Variants in STAG2 observed in about 807,000 individuals in gnomAD.
The protein encoded by STAG2 is cohesin subunit SA-2.
In STAG2, 14 loss-of-function variants were observed where a neutral mutation model predicts 108.1. The observed-to-expected ratio is 0.13, with a 90% confidence interval of 0.09 to 0.20. The LOEUF (loss-of-function observed/expected upper bound fraction) is 0.20. Ranked by LOEUF, STAG2 falls within the 10% of genes least tolerant of loss-of-function variation. The pLI, the probability that STAG2 is intolerant of heterozygous loss-of-function variation, is 1.00. For missense variants in STAG2, 440 were observed against 940.9 expected (o/e 0.47, Z 6.96); for synonymous variants, 307 against 302.7 (o/e 1.01, Z -0.15).
At chrX:124,030,877 C>T (rs2057311502) in intron 4 of STAG2, 84 bp from the exon 5 acceptor site, 1 of 974,452 alleles carries the variant, frequency 1.0e-6, no homozygotes, top group Admixed American at 3.5e-5. Context: ...ATGTTATGTA[C>T]CCTATCAGCT....
intron 1 of STAG2, among the ~76,000 whole-genome samples, chrX:124,013,953 G>A (rs935235572): frequency 2.7e-5 from 3 of 111,322 alleles, no homozygotes; most frequent in East Asian, 2.8e-4. Context: ...TTCACAAGGC[G>A]TGCTAGGTTT....
chrX:124,092,810 A>AC (rs1463974380), intron 32 of STAG2, among the ~76,000 whole-genome samples: 3 of 112,280 alleles, frequency 2.7e-5, no homozygotes, highest in African/African-American at 9.7e-5. Flanking sequence ...ATTTTCTGTC[A>AC]CATAGTTCAT....
At chrX:123,997,884 G>A (rs112104109) in intron 1 of STAG2, among the ~76,000 whole-genome samples, 63 of 111,440 alleles carry the variant, frequency 5.7e-4, no homozygotes, top group African/African-American at 1.9e-3. Flanking sequence ...CAGGTGATCC[G>A]CCCACCTCGG....
At chrX:124,063,232 C>CT in intron 19 of STAG2, 27 bp downstream of exon 19, 1 of 1,074,991 alleles carries the variant, frequency 9.3e-7, no homozygotes, top group Non-Finnish European at 1.3e-6. Context: ...TAAAAAAAAC[C>CT]TTTAAGAAAA....
chrX:123,973,338 C>T (rs2054456922), intron 1 of STAG2, among the ~76,000 whole-genome samples: 2 of 106,912 alleles, frequency 1.9e-5, no homozygotes, highest in Admixed American at 1.0e-4. Flanking sequence ...GTCAGGAGAT[C>T]GAGACCATCC....
At chrX:124,062,119 G>A (rs2058398171) in intron 17 of STAG2, among the ~76,000 whole-genome samples, 1 of 111,229 alleles carries the variant, frequency 9.0e-6, no homozygotes, top group South Asian at 3.7e-4. Context: ...ACTGAATGTA[G>A]CATACACCAT....
At chrX:124,032,704 G>A (rs2057385496) in intron 5 of STAG2, among the ~76,000 whole-genome samples, 1 of 111,637 alleles carries the variant, frequency 9.0e-6, no homozygotes, top group Non-Finnish European at 1.9e-5. Flanking sequence ...TTCTGTTCCT[G>A]CGTTAATTCA....
At chrX:124,091,491 A>G (rs1475069905) in intron 32 of STAG2, among the ~76,000 whole-genome samples, 3 of 112,302 alleles carry the variant, frequency 2.7e-5, no homozygotes, top group African/African-American at 9.7e-5. Flanking sequence ...ATAAACTCCC[A>G]ACTTCCTTAG....
chrX:124,064,376 C>G lies in STAG2; in HGVS notation c.2025+325C>G, dbSNP rs5958382. On this transcript the variant is annotated intron_variant, in intron 20 of 34. Transcript: ENST00000371145. ...ACAGAAAAGGAGAGCTAGATTTAGA[C>G]TAGGTAGCCTAAAAAAAGTAGAGTA... Among the ~76,000 whole-genome samples, 665 of 110,142 alleles carry G rather than the reference C, an allele frequency of 6.0e-3. 5 individuals are homozygous for G. Among genetic ancestry groups the G allele is most frequent in the African/African-American group, 0.02 (617 of 30,299 alleles).
chrX:124,012,812 GT>G (rs759877508), intron 1 of STAG2, among the ~76,000 whole-genome samples: 1 of 111,612 alleles, frequency 9.0e-6, no homozygotes, highest in South Asian at 3.7e-4. Context: ...CTACTGAATT[GT>G]TTTTTGGCTA....
chrX:124,099,705 C>T (rs1037973197), intron 34 of STAG2, among the ~76,000 whole-genome samples: 1 of 111,662 alleles, frequency 9.0e-6, no homozygotes, highest in Non-Finnish European at 1.9e-5. Context: ...CAAGTAAGAG[C>T]TCTTTGTAAT....
Position 124,078,078 on chromosome X carries a change from A to G in STAG2, c.2775+20A>G. On this transcript the variant is annotated intron_variant, in intron 27 of 34. Transcript: ENST00000371145. ...CAACAGGTAAGCATTAAGAGTACCA[A>G]CTTTAGCTAACACAATTAACACCTA... 2 of 1,081,099 alleles carry G rather than the reference A, an allele frequency of 1.8e-6. No individual in the cohort carries two copies. The highest frequency in any genetic ancestry group is 2.0e-5 in the South Asian group (1 of 50,116). The allele number at this position is 1,081,099 out of a possible 1,213,427, so 89.1% of individuals were successfully genotyped here.
At chrX:123,990,135 C>T (rs1417050881) in intron 1 of STAG2, among the ~76,000 whole-genome samples, 1 of 111,479 alleles carries the variant, frequency 9.0e-6, no homozygotes, top group African/African-American at 3.3e-5. Context: ...AGAGTAGAAG[C>T]GGCTGGACCA....
chrX:123,986,844 A>AT (rs34002356), intron 1 of STAG2, among the ~76,000 whole-genome samples: 55 of 103,380 alleles, frequency 5.3e-4, no homozygotes, highest in South Asian at 2.1e-3. Context: ...GTTAGTGAAC[A>AT]TTTTTTTTTT....
At chrX:124,070,945 T>C (rs1258276107) in intron 24 of STAG2, among the ~76,000 whole-genome samples, 4 of 111,935 alleles carry the variant, frequency 3.6e-5, no homozygotes, top group African/African-American at 9.7e-5. Context: ...TAAAGCCTTA[T>C]ACAAATATAA....
chrX:124,000,770 C>A (rs1029164852), intron 1 of STAG2, among the ~76,000 whole-genome samples: 1 of 111,737 alleles, frequency 8.9e-6, no homozygotes. Context: ...CAGATGACAG[C>A]TCCACATGTT....
chrX:124,063,034 GT>G (rs765128852), intron 18 of STAG2, 40 bp downstream of exon 18: 10 of 1,177,123 alleles, frequency 8.5e-6, no homozygotes, highest in South Asian at 7.3e-5. Flanking sequence ...TAAGAAATGA[GT>G]TTTTTTTCCC....
intron 14 of STAG2, among the ~76,000 whole-genome samples, chrX:124,056,754 A>G (rs924820264): frequency 2.8e-5 from 3 of 106,467 alleles, no homozygotes; most frequent in African/African-American, 1.0e-4. Flanking sequence ...AAAAAAAAAA[A>G]GGGAAATGTA....
At chrX:123,967,064 T>C (rs755020539) in intron 1 of STAG2, among the ~76,000 whole-genome samples, 3 of 109,181 alleles carry the variant, frequency 2.7e-5, no homozygotes, top group African/African-American at 1.0e-4. Context: ...TTTGTGTTTT[T>C]AGTAGAGACA....
Sources: gnomAD v4.1 joint callset for allele counts (sites outside exome capture counted in the v4.1 genomes callset) on GRCh38, gnomAD v4.1.1 for gene constraint, MANE v1.5 for transcripts, NCBI Gene and HGNC (gene_info 2026-07-23, HGNC 2026-07-21) for gene names.